The following BIRC6 variants were observed in gnomAD, a reference collection of about 807,000 sequenced individuals.
BIRC6 encodes the protein dual E2 ubiquitin-conjugating enzyme/E3 ubiquitin-protein ligase BIRC6.
Under a neutral mutation model 503.3 loss-of-function variants are expected in BIRC6, and 98 were observed. The ratio of observed to expected loss-of-function variants is 0.19; its 90% CI spans 0.17 to 0.23. The LOEUF (loss-of-function observed/expected upper bound fraction) is 0.23. Ranked by LOEUF, BIRC6 falls within the 10% of genes least tolerant of loss-of-function variation. The pLI is 1.00. For synonymous variants in BIRC6, 2,240 were observed against 2,078.7 expected (o/e 1.08, Z -2.11); for missense variants, 5,360 against 5,806.0 (o/e 0.92, Z 2.50).
Position 32,479,557 on chromosome 2 carries a change from C to T in BIRC6, c.7348C>T (p.Gln2450Ter), listed in dbSNP as rs2050149451. The change falls in exon 37 of 74, where the codon CAA becomes TAA. Residue 2450 changes from glutamine (Q) to a stop codon, truncating the protein, a stop_gained. Transcript: ENST00000421745. LOFTEE classifies it high-confidence loss of function. Reference sequence around the variant, plus strand: ...AGCTGGTGACTCTGATGACTCCCTTCAACAGTCCTCAGTTCAGTTGCTGGA... The same window carrying T: ...AGCTGGTGACTCTGATGACTCCCTTTAACAGTCCTCAGTTCAGTTGCTGGA... ...ATAGDSDDSL[Q>*]QSSVQLLETI... is the part of the protein sequence containing the mutation. 6.2e-7 allele frequency: 1 copy of T among 1,608,790 alleles called. No homozygotes were observed.
chr2:32,401,141 T>A, intron 6 of BIRC6, 22 bp from the exon 7 acceptor site: 13 of 1,591,202 alleles, frequency 8.2e-6, no homozygotes, highest in Non-Finnish European at 1.1e-5. Context: ...AGTAAACTTT[T>A]CCTTTCTAAA....
chr2:32,483,373 G>A lies in BIRC6; in HGVS notation c.7696+791G>A, dbSNP rs147268525. Among the ~76,000 whole-genome samples, 88 of 152,150 alleles carry A rather than the reference G, an allele frequency of 5.8e-4. 1 individual carries two copies. The South Asian group carries it at 7.1e-3, about 12-fold the overall frequency. ...TACCAGAATGTTTCAAGTTAAATGC[G>A]GAGAATGTTTATTCTCTAGAACCAT... is the stretch of plus-strand genomic sequence containing the variant. On this transcript the variant is annotated intron_variant, in intron 39 of 73. Coordinates refer to ENST00000421745, the MANE Select transcript of BIRC6 (RefSeq NM_016252.4).
chr2:32,596,195 C>A (rs1406462662), intron 68 of BIRC6, among the ~76,000 whole-genome samples: 3 of 151,926 alleles, frequency 2.0e-5, no homozygotes, highest in Non-Finnish European at 4.4e-5. Flanking sequence ...CTTTAAAAAA[C>A]TGACCTGGCC....
chr2:32,431,219 A>G (rs1374550381), intron 12 of BIRC6, 129 bp downstream of exon 12: 8 of 367,452 alleles, frequency 2.2e-5, no homozygotes, highest in East Asian at 4.3e-5. Context: ...TTTTTGAGAC[A>G]GAGTCTCACT....
At position 32,415,845 on chromosome 2, in the gene BIRC6, C is replaced by T. The variant is rs865826381; in HGVS notation, c.2554C>T (p.Pro852Ser). ...EPIKIQHIKDPQDTITSLILL... is the reference protein window; with the variant it reads ...EPIKIQHIKDSQDTITSLILL... ...AATAAAAATACAACATATCAAAGAT[C>T]CCCAGGACACAATTACCTCGCTCAT... The change falls in exon 10 of 74, where the codon CCC (proline) becomes TCC (serine). Residue 852 changes from proline to serine, a missense_variant. Pro to Ser is a moderately conservative substitution (Grantham distance 74, BLOSUM62 -1). Transcript: ENST00000421745. The T allele has an allele frequency of 1.2e-6, 2 of 1,613,806 alleles. No homozygotes were observed. Among genetic ancestry groups the T allele is most frequent in the Non-Finnish European group, 1.7e-6 (2 of 1,179,862 alleles).
intron 15 of BIRC6, among the ~76,000 whole-genome samples, chr2:32,438,646 G>A (rs371990236): frequency 1.4e-5 from 2 of 146,814 alleles, no homozygotes; most frequent in Non-Finnish European, 3.0e-5. Flanking sequence ...GGCAAGCTCC[G>A]CCTCCTGGGT....
intron 65 of BIRC6, 54 bp from the exon 66 acceptor site, chr2:32,575,102 T>C: frequency 5.1e-6 from 8 of 1,570,544 alleles, no homozygotes; most frequent in Non-Finnish European, 7.0e-6. Context: ...CCTGTGGACC[T>C]ACTTTTATAT....
chr2:32,391,987 T>C, intron 4 of BIRC6, 52 bp from the exon 5 acceptor site: 1 of 1,209,440 alleles, frequency 8.3e-7, no homozygotes, highest in South Asian at 1.4e-5. Flanking sequence ...AATAGAAGTT[T>C]CACTGTGATT....
chr2:32,403,711 ATATT>A (rs554599234), intron 8 of BIRC6, among the ~76,000 whole-genome samples: 297 of 152,260 alleles, frequency 2.0e-3, no homozygotes, highest in African/African-American at 6.4e-3. Context: ...TTTAACCATA[ATATT>A]TATTTTGCAT....
chr2:32,478,934 A>C, intron 36 of BIRC6, 116 bp downstream of exon 36: 2 of 983,088 alleles, frequency 2.0e-6, no homozygotes, highest in Non-Finnish European at 3.0e-6. Context: ...TAAAAGCATA[A>C]AGGTCTGTTT....
intron 46 of BIRC6, among the ~76,000 whole-genome samples, chr2:32,500,601 TTTTTG>T (rs1397022106): frequency 1.9e-5 from 2 of 106,592 alleles, no homozygotes; most frequent in Non-Finnish European, 4.1e-5. Context: ...TTTGTTTTTG[TTTTTG>T]TTTTTTTTTT....
chr2:32,521,626 A>G (rs1439348515), intron 57 of BIRC6, among the ~76,000 whole-genome samples: 2 of 139,624 alleles, frequency 1.4e-5, no homozygotes, highest in African/African-American at 5.4e-5. Context: ...GCGCCACCAC[A>G]CTCGGCTAAT....
At chr2:32,560,148 G>T (rs960524999) in intron 65 of BIRC6, among the ~76,000 whole-genome samples, 4 of 152,118 alleles carry the variant, frequency 2.6e-5, no homozygotes, top group Non-Finnish European at 5.9e-5. Flanking sequence ...GTAACTAATG[G>T]TTGTCAAGAA....
chr2:32,484,591 G>A (rs1558860801), intron 39 of BIRC6, among the ~76,000 whole-genome samples: 1 of 151,196 alleles, frequency 6.6e-6, no homozygotes, highest in Non-Finnish European at 1.5e-5. Context: ...AAAAATTACT[G>A]TAATAGTTTA....
chr2:32,561,612 A>T, intron 65 of BIRC6, among the ~76,000 whole-genome samples: 1 of 149,008 alleles, frequency 6.7e-6, no homozygotes, highest in East Asian at 2.0e-4. Context: ...TTTTATTTTG[A>T]TTTTTTTTTA....
At position 32,512,895 on chromosome 2, in the gene BIRC6, A is replaced by G. The variant is rs746150176; in HGVS notation, c.10347-38A>G. ...ATCTATATGAAATGCCAATTGCACT[A>G]TATAGTTGGTTATATGAATTCGTTT... On this transcript the variant is annotated intron_variant, in intron 53 of 73. Transcript: ENST00000421745. The G allele has an allele frequency of 5.8e-6, 9 of 1,546,826 alleles. No homozygotes were observed. In the Admixed American group the frequency reaches 6.7e-5, roughly 11 times the overall value.
At chr2:32,563,904 C>G (rs1012231601) in intron 65 of BIRC6, 1 of 152,080 alleles carries the variant, frequency 6.6e-6, no homozygotes, top group African/African-American at 2.4e-5. Context: ...CATGGTGAAC[C>G]TTGTCTCTAC....
chr2:32,374,635 GCTAATTTTTTGTATTTTT>G (rs2036478059), intron 1 of BIRC6, among the ~76,000 whole-genome samples: 2 of 151,990 alleles, frequency 1.3e-5, no homozygotes, highest in African/African-American at 4.8e-5. Flanking sequence ...ACCACGCCCG[GCTAATTTTTTGTATTTTT>G]AGTAGAGACG....
chr2:32,479,258 C>T (rs557064816), intron 36 of BIRC6, among the ~76,000 whole-genome samples: 32 of 152,138 alleles, frequency 2.1e-4, no homozygotes, highest in Non-Finnish European at 1.2e-4. Flanking sequence ...TATGTGTTTA[C>T]TGGATACTTG....
Sources: gnomAD v4.1 joint callset for allele counts (sites outside exome capture counted in the v4.1 genomes callset) on GRCh38, gnomAD v4.1.1 for gene constraint, MANE v1.5 for transcripts, NCBI Gene and HGNC (gene_info 2026-07-23, HGNC 2026-07-21) for gene names.